The following SBNO1 variants were observed in gnomAD, a reference collection of about 807,000 sequenced individuals.
SBNO1 encodes the protein strawberry notch homolog 1.
SBNO1 carries 23 observed loss-of-function variants against 173.6 expected under a neutral mutation model. The observed-to-expected ratio is 0.13, with a 90% confidence interval of 0.10 to 0.19. The LOEUF (loss-of-function observed/expected upper bound fraction) is 0.19, where lower values mean the gene tolerates loss of function less well. SBNO1 is among the 10% of genes least tolerant of loss of function. The pLI is 1.00. For synonymous variants in SBNO1, 632 were observed against 571.5 expected (o/e 1.11, Z -1.51); for missense variants, 1,238 against 1,671.2 (o/e 0.74, Z 4.52).
intron 31 of SBNO1, 44 bp from the exon 32 acceptor site, chr12:123,296,094 A>C: frequency 1.6e-6 from 2 of 1,262,830 alleles, no homozygotes; most frequent in Non-Finnish European, 2.3e-6. Context: ...TCCAGAAGAA[A>C]CCACACTGTA....
At chr12:123,354,096 G>C (rs1874168535) in intron 1 of SBNO1, among the ~76,000 whole-genome samples, 1 of 152,116 alleles carries the variant, frequency 6.6e-6, no homozygotes, top group South Asian at 2.1e-4. Context: ...GAGCATTTAA[G>C]TACAAAAAAA....
At chr12:123,296,240 A>C (rs1396137297) in intron 31 of SBNO1, among the ~76,000 whole-genome samples, 190 bp from the exon 32 acceptor site, 1 of 152,222 alleles carries the variant, frequency 6.6e-6, no homozygotes, top group Non-Finnish European at 1.5e-5. Flanking sequence ...CATTTCCCAC[A>C]AATACCCAAG....
Position 123,300,977 on chromosome 12 carries a change from A to AACC in SBNO1, c.3845+1846_3845+1847insGGT, listed in dbSNP as rs1184667959. Among the ~76,000 whole-genome samples, 161 of 147,164 alleles carry AACC rather than the reference A, an allele frequency of 1.1e-3. 1 individual carries two copies. Among genetic ancestry groups the AACC allele is most frequent in the East Asian group, 3.4e-3 (15 of 4,458 alleles). ...ACCATCTCAAAAAAAAAACAAAAAA[A>AACC]AACAAAAAAAAAACCCAAGTTAGTA... On this transcript the variant is annotated intron_variant, in intron 30 of 31. Coordinates refer to ENST00000602398, the MANE Select transcript of SBNO1 (RefSeq NM_001167856.3).
In SBNO1 at chr12:123,289,941, A is replaced by G. The variant is rs2048486704; in HGVS notation, c.*5967T>C. On this transcript the variant is annotated 3_prime_UTR_variant, in exon 32 of 32. Coordinates refer to ENST00000602398, the MANE Select transcript of SBNO1 (RefSeq NM_001167856.3). The stretch of plus-strand genomic sequence containing the variant: ...CCAGGCACAAATGGGCCACAAGGGC[A>G]GGGTACTGGTTAGGGGCCCGCAGTG... 1 of 152,314 alleles carries G rather than the reference A, an allele frequency of 6.6e-6. No homozygotes were observed. Among genetic ancestry groups the G allele is most frequent in the African/African-American group, 2.4e-5 (1 of 41,480 alleles). 9.4% of individuals were successfully genotyped at this position (152,314 alleles called of 1,614,324 possible).
chr12:123,338,031 T>C (rs960860508), intron 5 of SBNO1, among the ~76,000 whole-genome samples: 3 of 152,134 alleles, frequency 2.0e-5, no homozygotes, highest in African/African-American at 7.2e-5. Flanking sequence ...ACATCAAATT[T>C]AGGTCAAAGA....
rs1437595215 is a variant in SBNO1, at chr12:123,292,575, G to A, written c.*3333C>T. ...ATGAATGCCCCAGGGACTACAGCCA[G>A]AAAATTGTGCCTGTAAAATATCATA... On this transcript the variant is annotated 3_prime_UTR_variant, in exon 32 of 32. Transcript: ENST00000602398. The A allele has an allele frequency of 6.6e-6, 1 of 152,156 alleles. No homozygotes were observed. Among genetic ancestry groups the A allele is most frequent in the Non-Finnish European group, 1.5e-5 (1 of 68,038 alleles). 9.4% of individuals were successfully genotyped at this position (152,156 alleles called of 1,614,324 possible).
chr12:123,338,893 GACACACACACACACACAC>G (rs1872190799), intron 5 of SBNO1, among the ~76,000 whole-genome samples: 1 of 3,802 alleles, frequency 2.6e-4, no homozygotes, highest in Admixed American at 2.7e-3. Flanking sequence ...CACACACCCC[GACACACACACACACACAC>G]GCCCCCCCCC....
rs893885792 is a variant in SBNO1, at chr12:123,293,111, G to A, written c.*2797C>T. 5 of 152,182 alleles carry A rather than the reference G, an allele frequency of 3.3e-5. No homozygotes were observed. The highest frequency in any genetic ancestry group is 5.9e-5 in the Non-Finnish European group (4 of 68,022). The allele number at this position is 152,182 out of a possible 1,614,324, so 9.4% of individuals were successfully genotyped here. ...GTGCTCAGAGCCATATTGCTAAAAA[G>A]AAAAAGGCATTGCAGAGGCAAAGTG... On this transcript the variant is annotated 3_prime_UTR_variant, in exon 32 of 32. Transcript: ENST00000602398.
chr12:123,354,228 T>C (rs187860137), intron 1 of SBNO1, among the ~76,000 whole-genome samples: 4 of 152,308 alleles, frequency 2.6e-5, no homozygotes, highest in Admixed American at 6.5e-5. Flanking sequence ...CATTCCACAA[T>C]GTATACTTGT....
At chr12:123,307,450 A>G (rs989647367) in intron 28 of SBNO1, among the ~76,000 whole-genome samples, 1 of 152,216 alleles carries the variant, frequency 6.6e-6, no homozygotes, top group South Asian at 2.1e-4. Flanking sequence ...CTTCATAGAA[A>G]AAGTTTAGCA....
At position 123,292,980 on chromosome 12, in the gene SBNO1, TC is replaced by T. The variant is rs1370037207; in HGVS notation, c.*2927del. 6.6e-6 allele frequency: 1 copy of T among 152,140 alleles called. No homozygotes were observed. Among genetic ancestry groups the T allele is most frequent in the Non-Finnish European group, 1.5e-5 (1 of 68,036 alleles). The allele number at this position is 152,140 out of a possible 1,614,324, so 9.4% of individuals were successfully genotyped here. A position where few individuals can be genotyped will look rare whatever the true frequency, so the allele number is the denominator to read the frequency against. ...GTTGCTAAATGAGGGGAACACTAAT[TC>T]CCCCAGAGATAACATCTGAGCTGCT... On this transcript the variant is annotated 3_prime_UTR_variant, in exon 32 of 32. Coordinates refer to ENST00000602398, the MANE Select transcript of SBNO1 (RefSeq NM_001167856.3).
At chr12:123,359,836 A>T (rs566974797) in intron 1 of SBNO1, among the ~76,000 whole-genome samples, 126 of 152,322 alleles carry the variant, frequency 8.3e-4, no homozygotes, top group Middle Eastern at 3.4e-3. Context: ...AGCCACAACA[A>T]ATTGCATCTG....
rs979603204 is a variant in SBNO1, at chr12:123,317,536, G to A, written c.2800-180C>T. Among the ~76,000 whole-genome samples the A allele has an allele frequency of 2.0e-5, 3 of 152,116 alleles. 1 individual carries two copies. The highest frequency in any genetic ancestry group is 4.1e-4 in the South Asian group (2 of 4,834). ...GTGAACATTCTCCAGCCAGCAAGGTGTAGGTAAAATGTATGATGCACAGGA... is the reference window on the plus strand; with the variant it reads ...GTGAACATTCTCCAGCCAGCAAGGTATAGGTAAAATGTATGATGCACAGGA... On this transcript the variant is annotated intron_variant, in intron 20 of 31. Transcript: ENST00000602398.
intron 16 of SBNO1, 92 bp from the exon 17 acceptor site, chr12:123,321,824 A>G (rs1870007201): frequency 2.8e-6 from 3 of 1,059,652 alleles, no homozygotes; most frequent in South Asian, 2.8e-5. Flanking sequence ...AATTCAAATG[A>G]AAAGTGCAGA....
intron 24 of SBNO1, among the ~76,000 whole-genome samples, chr12:123,311,387 T>G (rs1286265682): frequency 1.3e-5 from 2 of 152,192 alleles, no homozygotes; most frequent in Non-Finnish European, 2.9e-5. Context: ...TCTTTTCTTT[T>G]TTTTTGAGAC....
chr12:123,296,086 C>A, intron 31 of SBNO1, 36 bp from the exon 32 acceptor site: 1 of 1,374,124 alleles, frequency 7.3e-7, no homozygotes, highest in South Asian at 1.2e-5. Flanking sequence ...AAGTTGTGTC[C>A]AGAAGAAACC....
chr12:123,321,388 A>G lies in SBNO1; in HGVS notation c.2323+147T>C, dbSNP rs568641623. 6.9e-4 allele frequency: 442 copies of G among 642,864 alleles called. 2 individuals carry two copies. The African/African-American group carries it at 7.0e-3, about 10-fold the overall frequency. 39.8% of individuals were successfully genotyped at this position (642,864 alleles called of 1,614,324 possible). ...CATATATGAGGCTCAAACTTCCAGA[A>G]GGTAGATAAGCCTGGAGCTTTCCAC... On this transcript the variant is annotated intron_variant, in intron 17 of 31. Coordinates refer to ENST00000602398, the MANE Select transcript of SBNO1 (RefSeq NM_001167856.3).
chr12:123,309,901 AAATTT>A, intron 25 of SBNO1, 45 bp from the exon 26 acceptor site: 2 of 1,480,624 alleles, frequency 1.4e-6, no homozygotes, highest in Non-Finnish European at 1.8e-6. Context: ...TGATAATTAA[AAATTT>A]TTTATTCATC....
chr12:123,362,137 C>A (rs1347307865), intron 1 of SBNO1, among the ~76,000 whole-genome samples: 3 of 132,764 alleles, frequency 2.3e-5, no homozygotes, highest in Admixed American at 8.1e-5. Flanking sequence ...GAGACTCCAC[C>A]TCAAAAAAAA....
Sources: allele counts gnomAD v4.1 joint callset (sites outside exome capture counted in the v4.1 genomes callset), GRCh38; gene constraint gnomAD v4.1.1; transcripts MANE v1.5; gene names NCBI Gene and HGNC (gene_info 2026-07-23, HGNC 2026-07-21).